The following ZNF746 variants were observed in gnomAD, a reference collection of about 807,000 sequenced individuals.
ZNF746 encodes parkin-interacting substrate.
ZNF746 carries 13 observed loss-of-function variants against 41.0 expected under a neutral mutation model. The observed-to-expected ratio is 0.32, with a 90% CI of 0.21 to 0.50. The LOEUF (loss-of-function observed/expected upper bound fraction) is 0.50. ZNF746 is among the 20% of genes least tolerant of loss of function. The pLI is 0.98. For missense variants in ZNF746, 811 were observed against 922.9 expected (o/e 0.88, Z 1.57); for synonymous variants, 424 against 396.2 (o/e 1.07, Z -0.83).
At chr7:149,491,810 A>G (rs1800818778) in intron 4 of ZNF746, 1 of 694,758 alleles carries the variant, frequency 1.4e-6, no homozygotes, top group Admixed American at 2.0e-5. Flanking sequence ...TCAGGGGTCG[A>G]GCCTTGCAGA....
At position 149,497,289 on chromosome 7, in the gene ZNF746, G is replaced by A; in HGVS notation, c.24+224C>T. 1.0e-6 allele frequency: 1 copy of A among 985,144 alleles called. No homozygotes were observed. Among genetic ancestry groups the A allele is most frequent in the Non-Finnish European group, 1.2e-6 (1 of 829,804 alleles). The allele number at this position is 985,144 out of a possible 1,614,324, so 61.0% of individuals were successfully genotyped here. On this transcript the variant is annotated intron_variant, in intron 1 of 6. Coordinates refer to ENST00000458143, the MANE Select transcript of ZNF746 (RefSeq NM_001394198.1). The surrounding 1 kb of genome is among the most constrained non-coding windows in gnomAD (Gnocchi z 4.2). Reference sequence around the variant, plus strand: ...ACTTGGCGTGGGGCGGCCCGGGGCGGGGACAACCGTTCCGCCAGCGCTCGG... The same window carrying A: ...ACTTGGCGTGGGGCGGCCCGGGGCGAGGACAACCGTTCCGCCAGCGCTCGG...
chr7:149,493,972 T>G lies in ZNF746; in HGVS notation c.451+17A>C. 1 of 1,614,150 alleles carries G rather than the reference T, an allele frequency of 6.2e-7. No homozygotes were observed. The highest frequency in any genetic ancestry group is 8.5e-7 in the Non-Finnish European group (1 of 1,180,026). ...TGCAAAATCCCATTTAACAGAGAAA[T>G]GAGTGTCAGGCCTTACCCAGGGAGA... On this transcript the variant is annotated intron_variant, in intron 3 of 6. Transcript: ENST00000458143.
chr7:149,492,765 G>A (rs900222088), intron 4 of ZNF746, 94 bp downstream of exon 4: 31 of 877,246 alleles, frequency 3.5e-5, no homozygotes, highest in Non-Finnish European at 5.2e-5. Flanking sequence ...GTTTCTCCTC[G>A]ACTCTCTCTG....
intron 4 of ZNF746, among the ~76,000 whole-genome samples, chr7:149,492,317 ATT>A (rs1800831756): frequency 1.3e-5 from 2 of 152,218 alleles, no homozygotes; most frequent in South Asian, 4.1e-4. Context: ...TAATAAATAT[ATT>A]TTCTCTTCCT....
At position 149,475,135 on chromosome 7, in the gene ZNF746, G is replaced by T; in HGVS notation, c.1232C>A (p.Thr411Lys). The T allele has an allele frequency of 6.2e-7, 1 of 1,612,436 alleles. No individual in the cohort carries two copies. The highest frequency in any genetic ancestry group is 8.5e-7 in the Non-Finnish European group (1 of 1,179,756). The stretch of plus-strand genomic sequence containing the variant: ...GGAGTAAGGAAGCCCCTCGGGCCCC[G>T]TCCTCGGGTTCAGGCCCACTGGCGG... ...CKPPVGLNPR[T>K]GPEGLPYSSP... Residue 411 changes from threonine (T) to lysine (K), a missense_variant, in exon 7 of 7, where the codon ACG becomes AAG. This residue lies in a region of ZNF746 where 495 missense variants were observed against 481.6 expected (regional missense o/e 1.03). Transcript: ENST00000458143.
Position 149,497,460 on chromosome 7 carries a change from G to T in ZNF746, c.24+53C>A, listed in dbSNP as rs536600439. ...CCTGCGGCGCCGTGTGCCGGGGCCG[G>T]GCCGCCTGGGGCCCCCAGGCCGCGA... On this transcript the variant is annotated intron_variant, in intron 1 of 6. Transcript: ENST00000458143. This position sits in a 1 kb window ranked among gnomAD's most constrained non-coding sequence, Gnocchi z 4.2. The T allele has an allele frequency of 3.7e-6, 4 of 1,076,610 alleles. No homozygotes were observed. The highest frequency in any genetic ancestry group is 1.1e-4 in the Admixed American group (2 of 18,588). The allele number at this position is 1,076,610 out of a possible 1,614,324, so 66.7% of individuals were successfully genotyped here.
chr7:149,493,097 C>CA, intron 3 of ZNF746, 125 bp from the exon 4 acceptor site: 1 of 685,140 alleles, frequency 1.5e-6, no homozygotes, highest in Non-Finnish European at 2.5e-6. Flanking sequence ...AGCTCTCAAC[C>CA]ACAGGCAATT....
intron 4 of ZNF746, among the ~76,000 whole-genome samples, chr7:149,482,335 C>T (rs939240883): frequency 3.9e-5 from 6 of 151,904 alleles, no homozygotes; most frequent in Non-Finnish European, 8.8e-5. Flanking sequence ...TGTACTAAGC[C>T]AGAACAATGT....
chr7:149,492,370 G>C (rs1585739747), intron 4 of ZNF746, among the ~76,000 whole-genome samples: 1 of 152,082 alleles, frequency 6.6e-6, no homozygotes, highest in Non-Finnish European at 1.5e-5. Context: ...CTAGCTTATT[G>C]TAAGTATCAC....
At chr7:149,480,906 G>C (rs1236890688) in intron 4 of ZNF746, among the ~76,000 whole-genome samples, 1 of 152,132 alleles carries the variant, frequency 6.6e-6, no homozygotes, top group Non-Finnish European at 1.5e-5. Flanking sequence ...ATATGAAAAA[G>C]TTCCAGAATA....
Position 149,493,089 on chromosome 7 carries a change from C to T in ZNF746, c.452-117G>A, listed in dbSNP as rs1254925360. On this transcript the variant is annotated intron_variant, in intron 3 of 6. Coordinates refer to ENST00000458143, the MANE Select transcript of ZNF746 (RefSeq NM_001394198.1). ...TCTCTTGATTGTCACAAAGCAGTAGCTCTCAACCACAGGCAATTTTGCTCC... is the reference window on the plus strand; with the variant it reads ...TCTCTTGATTGTCACAAAGCAGTAGTTCTCAACCACAGGCAATTTTGCTCC... 11 of 710,370 alleles carry T rather than the reference C, an allele frequency of 1.5e-5. No individual in the cohort carries two copies. In the African/African-American group the frequency reaches 2.0e-4, roughly 13 times the overall value. The allele number at this position is 710,370 out of a possible 1,614,324, so 44.0% of individuals were successfully genotyped here.
Position 149,497,431 on chromosome 7 carries a change from A to G in ZNF746, c.24+82T>C. The G allele has an allele frequency of 9.6e-7, 1 of 1,039,686 alleles. No individual in the cohort carries two copies. Among genetic ancestry groups the G allele is most frequent in the South Asian group, 4.4e-5 (1 of 22,706 alleles). The allele number at this position is 1,039,686 out of a possible 1,614,324, so 64.4% of individuals were successfully genotyped here. ...GGCCCGGACCCCGGAACCCCTCCCCAGGGCCTGCGGCGCCGTGTGCCGGGG... is the reference window on the plus strand; with the variant it reads ...GGCCCGGACCCCGGAACCCCTCCCCGGGGCCTGCGGCGCCGTGTGCCGGGG... On this transcript the variant is annotated intron_variant, in intron 1 of 6. Transcript: ENST00000458143. The surrounding 1 kb of genome is among the most constrained non-coding windows in gnomAD (Gnocchi z 4.2).
At chr7:149,493,034 C>G in intron 3 of ZNF746, 62 bp from the exon 4 acceptor site, 2 of 1,107,294 alleles carry the variant, frequency 1.8e-6, no homozygotes. Context: ...ACAGTCATCC[C>G]GGAAAACCAA....
In ZNF746 at chr7:149,475,589, C is replaced by G. The variant is rs542314514; in HGVS notation, c.884-106G>C. ...CAGCTGCCTGGCCAGACAAACTCCA[C>G]CCAGGCCCTCGTGGCTGAGCCCAGA... On this transcript the variant is annotated intron_variant, in intron 6 of 6. Transcript: ENST00000458143. 2.0e-6 allele frequency: 3 copies of G among 1,503,858 alleles called. No homozygotes were observed. In the South Asian group the frequency reaches 3.9e-5, roughly 20 times the overall value. The allele number at this position is 1,503,858 out of a possible 1,614,324, so 93.2% of individuals were successfully genotyped here.
In ZNF746 at chr7:149,475,109, A is replaced by T. The variant is rs916505942; in HGVS notation, c.1258T>A (p.Ser420Thr). The T allele has an allele frequency of 3.7e-6, 6 of 1,609,714 alleles. No homozygotes were observed. The South Asian group carries it at 5.5e-5, about 15-fold the overall frequency. Residue 420 changes from serine to threonine, a missense_variant, in exon 7 of 7, where the codon TCC becomes ACC. Ser to Thr is a moderately conservative substitution (Grantham distance 58). Around this residue, in one of 4 missense-constraint regions of ZNF746, gnomAD observed 495 missense variants for 481.6 expected, o/e 1.03. Coordinates refer to ENST00000458143, the MANE Select transcript of ZNF746 (RefSeq NM_001394198.1). ...RTGPEGLPYS[S>T]PDNGEAILDP... The stretch of plus-strand genomic sequence containing the variant: ...AAGATGGCCTCTCCGTTGTCCGGGG[A>T]GGAGTAAGGAAGCCCCTCGGGCCCC...
intron 4 of ZNF746, chr7:149,490,396 C>A (rs534456158): frequency 6.6e-6 from 1 of 152,058 alleles, no homozygotes; most frequent in African/African-American, 2.4e-5. Flanking sequence ...TCTGCAGCCA[C>A]GTGCAGCTGC....
At chr7:149,484,974 T>A (rs935954863) in intron 4 of ZNF746, among the ~76,000 whole-genome samples, 1 of 152,058 alleles carries the variant, frequency 6.6e-6, no homozygotes, top group African/African-American at 2.4e-5. Context: ...GTGAGGCTAA[T>A]CTATTTTTAT....
chr7:149,484,787 G>C (rs187478015), intron 4 of ZNF746, among the ~76,000 whole-genome samples: 9 of 152,020 alleles, frequency 5.9e-5, no homozygotes, highest in Admixed American at 5.2e-4. Flanking sequence ...TAATAGAAAG[G>C]TTATTAGCAT....
Position 149,492,876 on chromosome 7 carries a change from G to C in ZNF746, c.548C>G (p.Pro183Arg), listed in dbSNP as rs142448086. 6.2e-6 allele frequency: 10 copies of C among 1,613,764 alleles called. No homozygotes were observed. In the African/African-American group the frequency reaches 1.3e-4, roughly 22 times the overall value. ...RRPGPKIPDV[P>R]VDPSPGSGPP... ...GCCCTTACCTGGACTGGGGTCCACA[G>C]GAACATCTGGAATCTTGGGGCCAGG... Residue 183 changes from proline (P) to arginine (R), a missense_variant, in exon 4 of 7, where the codon CCT becomes CGT. This residue lies in a region of ZNF746 where 495 missense variants were observed against 481.6 expected (regional missense o/e 1.03). Transcript: ENST00000458143.
Sources: gnomAD v4.1 joint callset for allele counts (sites outside exome capture counted in the v4.1 genomes callset) on GRCh38, gnomAD v4.1.1 for gene constraint, gnomAD v4.1.1 regional missense constraint, Gnocchi (gnomAD v3.1) non-coding constraint, MANE v1.5 for transcripts, NCBI Gene and HGNC (gene_info 2026-07-23, HGNC 2026-07-21) for gene names.